The following FSD1L variants were observed in gnomAD, a reference collection of about 807,000 sequenced individuals.
FSD1L encodes fibronectin type III and SPRY domain containing 1 like.
A neutral mutation model predicts 71.6 loss-of-function variants in FSD1L; 45 were observed. The ratio of observed to expected loss-of-function variants is 0.63; its 90% CI spans 0.49 to 0.81. FSD1L has a LOEUF of 0.81. Ranked by LOEUF, FSD1L falls within the 30% of genes least tolerant of loss-of-function variation. The probability of loss-of-function intolerance (pLI) is 0.00; values close to 1 mark genes in which losing one functional copy is unlikely to be tolerated. For missense variants in FSD1L, 561 were observed against 618.1 expected, an observed-to-expected ratio of 0.91 and a Z score of 0.98; for synonymous variants, 197 against 207.2, an observed-to-expected ratio of 0.95 and a Z score of 0.42.
At position 105,464,254 on chromosome 9, in the gene FSD1L, A is replaced by G. The variant is rs986422705; in HGVS notation, c.130A>G (p.Ile44Val). 3 of 1,516,792 alleles carry G rather than the reference A, an allele frequency of 2.0e-6. No homozygotes were observed. The highest frequency in any genetic ancestry group is 1.4e-5 in the African/African-American group (1 of 72,220). The allele number at this position is 1,516,792 out of a possible 1,614,324, so 94.0% of individuals were successfully genotyped here. Residue 44 changes from isoleucine (I) to valine (V), a missense_variant, in exon 3 of 14, where the codon ATT (isoleucine) becomes GTT (valine). By Grantham distance (29) the Ile-to-Val change is conservative. Transcript: ENST00000481272. ...ATTCTAGGAAGCTCTACAGAGGATC[A>G]TTTCAACTCTGGCAAATAAAAATGA... is the stretch of plus-strand genomic sequence containing the variant. ...NLQQEALQRIISTLANKNDEI... is the reference protein window; with the variant it reads ...NLQQEALQRIVSTLANKNDEI...
In FSD1L at chr9:105,512,867, G is replaced by C; in HGVS notation, c.956G>C (p.Cys319Ser). Residue 319 changes from cysteine (C) to serine (S), a missense_variant, in exon 10 of 14, where the codon TGT (cysteine) becomes TCT (serine). Physicochemically the swap from Cys to Ser is moderately radical, Grantham distance 112. Around this residue, in one of 3 missense-constraint regions of FSD1L, gnomAD observed 410 missense variants for 413.5 expected, o/e 0.99. Transcript: ENST00000481272. ...TTGAACCTGAAAGTTGAAGATACAT[G>C]TGTAGAGTGGGATCCTACTGGAGGA... is the stretch of plus-strand genomic sequence containing the variant. ...SHLNLKVEDT[C>S]VEWDPTGGKG... 6.5e-7 allele frequency: 1 copy of C among 1,542,740 alleles called. No individual in the cohort carries two copies. Among genetic ancestry groups the C allele is most frequent in the Non-Finnish European group, 8.8e-7 (1 of 1,142,300 alleles).
At chr9:105,467,134 T>G (rs898540241) in intron 3 of FSD1L, among the ~76,000 whole-genome samples, 1 of 152,212 alleles carries the variant, frequency 6.6e-6, no homozygotes, top group African/African-American at 2.4e-5. Flanking sequence ...GTTTTTTCCC[T>G]TCCTGACTGC....
intron 4 of FSD1L, among the ~76,000 whole-genome samples, chr9:105,469,057 T>C (rs1831265095): frequency 6.6e-6 from 1 of 152,268 alleles, no homozygotes. Context: ...CAGCATAATG[T>C]CCTCAAGATT....
intron 1 of FSD1L, among the ~76,000 whole-genome samples, chr9:105,452,628 CGCCTGCCTGCCT>C (rs530990124): frequency 0.038 from 4,660 of 124,150 alleles, 180 homozygotes; most frequent in Admixed American, 0.097. Flanking sequence ...GGCGCTCGCT[CGCCTGCCTGCCT>C]GCCTGCCTGC....
At chr9:105,513,733 G>T (rs892954328) in intron 10 of FSD1L, 1 of 862,990 alleles carries the variant, frequency 1.2e-6, no homozygotes, top group Non-Finnish European at 1.8e-6. Context: ...AGAAGCCATT[G>T]CGGCAGCCTT....
At position 105,534,601 on chromosome 9, in the gene FSD1L, A is replaced by G; in HGVS notation, c.1126+8A>G. The G allele has an allele frequency of 6.9e-7, 1 of 1,459,312 alleles. No individual in the cohort carries two copies. Among genetic ancestry groups the G allele is most frequent in the East Asian group, 2.5e-5 (1 of 40,342 alleles). The allele number at this position is 1,459,312 out of a possible 1,614,324, so 90.4% of individuals were successfully genotyped here. On this transcript the variant is annotated splice_region_variant and intron_variant, in intron 11 of 13. Coordinates refer to ENST00000481272, the MANE Select transcript of FSD1L (RefSeq NM_001145313.3). ...AATCATACACAGTGCTGGGTAGGAC[A>G]AAACATAATTGTTTTTCATTATCTC... is the stretch of plus-strand genomic sequence containing the variant.
In FSD1L at chr9:105,493,869, C is replaced by A. The variant is rs560448904; in HGVS notation, c.586+9367C>A. Among the ~76,000 whole-genome samples the A allele has an allele frequency of 5.7e-4, 86 of 152,184 alleles. No individual in the cohort carries two copies. In the South Asian group the frequency reaches 0.014, roughly 25 times the overall value. ...TTTGTAGAGTTTCTGCCGAGAGATC[C>A]GCTGTTAGTCTGATGGGCTTCCCTT... On this transcript the variant is annotated intron_variant, in intron 7 of 13. Coordinates refer to ENST00000481272, the MANE Select transcript of FSD1L (RefSeq NM_001145313.3).
At chr9:105,500,745 A>G (rs957449584) in intron 7 of FSD1L, 1 of 152,226 alleles carries the variant, frequency 6.6e-6, no homozygotes, top group Non-Finnish European at 1.5e-5. Context: ...ACTCTCAGAC[A>G]TTCTGCTGTA....
chr9:105,511,189 TCTA>T (rs1345440339), intron 9 of FSD1L, among the ~76,000 whole-genome samples: 1 of 146,556 alleles, frequency 6.8e-6, no homozygotes, highest in Non-Finnish European at 1.5e-5. Flanking sequence ...AATGGTACTA[TCTA>T]TTTTTTTTTT....
rs558132745 is a variant in FSD1L at position 105,552,319 on chromosome 9, G to T, written c.*5836G>T. 6.6e-6 allele frequency: 1 copy of T among 152,080 alleles called. No homozygotes were observed. The highest frequency in any genetic ancestry group is 2.1e-4 in the South Asian group (1 of 4,820). The allele number at this position is 152,080 out of a possible 1,614,324, so 9.4% of individuals were successfully genotyped here. ...TGTTTTTTTTTCACTTTAAAATAGG[G>T]TATTCAAAGTGGAGTAACGTGTATT... On this transcript the variant is annotated 3_prime_UTR_variant, in exon 14 of 14. Transcript: ENST00000481272.
At chr9:105,462,373 A>T (rs1396249737) in intron 2 of FSD1L, among the ~76,000 whole-genome samples, 2 of 151,164 alleles carry the variant, frequency 1.3e-5, no homozygotes, top group Admixed American at 1.3e-4. Context: ...GGCGCCCATC[A>T]CCACGCCTGC....
chr9:105,463,358 G>T (rs886622530), intron 2 of FSD1L, among the ~76,000 whole-genome samples: 2 of 152,114 alleles, frequency 1.3e-5, no homozygotes, highest in Non-Finnish European at 2.9e-5. Flanking sequence ...ACTTGCATTT[G>T]ATTTTTTTCT....
chr9:105,454,844 A>G (rs780963395), intron 1 of FSD1L, among the ~76,000 whole-genome samples: 5 of 152,218 alleles, frequency 3.3e-5, no homozygotes, highest in Non-Finnish European at 5.9e-5. Context: ...TCAGCTGGTA[A>G]GCTAGACAAT....
intron 9 of FSD1L, among the ~76,000 whole-genome samples, chr9:105,511,494 C>A (rs1308320853): frequency 2.0e-5 from 3 of 152,004 alleles, no homozygotes; most frequent in Non-Finnish European, 4.4e-5. Flanking sequence ...GGTAACCTGT[C>A]TATTAAGGAA....
At chr9:105,472,794 G>A (rs1207815342) in intron 5 of FSD1L, 1 of 152,102 alleles carries the variant, frequency 6.6e-6, no homozygotes, top group Non-Finnish European at 1.5e-5. Context: ...GGTAACATTT[G>A]CCACCTTACA....
chr9:105,534,868 A>G (rs963401506), intron 11 of FSD1L, among the ~76,000 whole-genome samples, 199 bp from the exon 12 acceptor site: 4 of 152,236 alleles, frequency 2.6e-5, no homozygotes, highest in African/African-American at 9.6e-5. Flanking sequence ...AGCGTTTTAT[A>G]TTCAAGAATA....
chr9:105,517,973 A>G (rs1834841471), intron 10 of FSD1L, among the ~76,000 whole-genome samples: 1 of 152,256 alleles, frequency 6.6e-6, no homozygotes, highest in East Asian at 1.9e-4. Context: ...AATATTTACG[A>G]AGCAAATGGA....
At chr9:105,493,529 T>A (rs1833110892) in intron 7 of FSD1L, among the ~76,000 whole-genome samples, 1 of 152,168 alleles carries the variant, frequency 6.6e-6, no homozygotes, top group Non-Finnish European at 1.5e-5. Flanking sequence ...ATGTGTGAAT[T>A]TGATCCTGTC....
At chr9:105,467,852 T>TA (rs879603965) in intron 3 of FSD1L, among the ~76,000 whole-genome samples, 2 of 152,188 alleles carry the variant, frequency 1.3e-5, no homozygotes, top group African/African-American at 2.4e-5. Flanking sequence ...ACCACTGGCT[T>TA]AGAGTCTGCC....
Sources: allele counts gnomAD v4.1 joint callset (sites outside exome capture counted in the v4.1 genomes callset), GRCh38; gene constraint gnomAD v4.1.1; regional missense constraint gnomAD v4.1.1; transcripts MANE v1.5; gene names NCBI Gene and HGNC (gene_info 2026-07-23, HGNC 2026-07-21).